EDIL3: variants seen among roughly 807,000 people sequenced by gnomAD.
EDIL3 encodes EGF like and discoidin domains 3.
Under a neutral mutation model 67.4 loss-of-function variants are expected in EDIL3, and 37 were observed. The observed-to-expected ratio is 0.55, with a 90% CI of 0.42 to 0.72. The LOEUF (loss-of-function observed/expected upper bound fraction) is 0.72, where lower values mean the gene tolerates loss of function less well. Ranked by LOEUF, EDIL3 falls within the 30% of genes least tolerant of loss-of-function variation. EDIL3 has a pLI of 0.00. For missense variants in EDIL3, 527 were observed against 586.3 expected, an observed-to-expected ratio of 0.90 and a Z score of 1.04; for synonymous variants, 195 against 196.3, an observed-to-expected ratio of 0.99 and a Z score of 0.05.
At chr5:83,987,483 T>C (rs1745074908) in intron 9 of EDIL3, among the ~76,000 whole-genome samples, 1 of 152,178 alleles carries the variant, frequency 6.6e-6, no homozygotes. Context: ...TTACTATTTG[T>C]CAAAATATGT....
intron 5 of EDIL3, among the ~76,000 whole-genome samples, chr5:84,132,374 TA>T (rs1255016457): frequency 4.5e-4 from 21 of 46,430 alleles, no homozygotes; most frequent in African/African-American, 1.6e-3. Flanking sequence ...TTATATATAT[TA>T]TATATAATAT....
chr5:84,285,175 A>T (rs1284669829), intron 1 of EDIL3, among the ~76,000 whole-genome samples: 2 of 152,208 alleles, frequency 1.3e-5, no homozygotes, highest in African/African-American at 2.4e-5. Context: ...AAAAATCATG[A>T]ACACTTACAT....
At chr5:84,159,079 A>G (rs143020546) in intron 4 of EDIL3, among the ~76,000 whole-genome samples, 38 of 152,236 alleles carry the variant, frequency 2.5e-4, no homozygotes, top group African/African-American at 9.1e-4. Flanking sequence ...CCCCATTGCC[A>G]GTACATACAC....
Position 84,058,747 on chromosome 5 carries a change from A to T in EDIL3, c.1137+1553T>A, listed in dbSNP as rs532468007. Among the ~76,000 whole-genome samples the T allele has an allele frequency of 2.6e-5, 4 of 152,290 alleles. No individual in the cohort carries two copies. In the South Asian group the frequency reaches 8.3e-4, roughly 32 times the overall value. On this transcript the variant is annotated intron_variant, in intron 9 of 10. Coordinates refer to ENST00000296591, the MANE Select transcript of EDIL3 (RefSeq NM_005711.5). Reference sequence around the variant, plus strand: ...ACAGGAATATTTTAAGCAAGGGGTAATATCTTAATGTCTTAAGCAACAGTG... The same window carrying T: ...ACAGGAATATTTTAAGCAAGGGGTATTATCTTAATGTCTTAAGCAACAGTG...
chr5:84,376,067 A>G (rs1319745066), intron 1 of EDIL3, among the ~76,000 whole-genome samples: 1 of 152,224 alleles, frequency 6.6e-6, no homozygotes, highest in Non-Finnish European at 1.5e-5. Context: ...ATCGCCTAAT[A>G]GTTAAGAGGA....
At chr5:84,029,622 GT>G (rs2112200916) in intron 9 of EDIL3, among the ~76,000 whole-genome samples, 1 of 152,248 alleles carries the variant, frequency 6.6e-6, no homozygotes, top group African/African-American at 2.4e-5. Context: ...ATAAGGCTAA[GT>G]TATACGTTCA....
intron 1 of EDIL3, among the ~76,000 whole-genome samples, chr5:84,311,318 T>C (rs1027621744): frequency 6.8e-6 from 1 of 147,086 alleles, no homozygotes; most frequent in Non-Finnish European, 1.5e-5. Flanking sequence ...TTTTCTTTTT[T>C]TTTTTCTTTT....
At chr5:84,160,744 T>TTTC (rs140316379) in intron 4 of EDIL3, among the ~76,000 whole-genome samples, 21 of 100,086 alleles carry the variant, frequency 2.1e-4, no homozygotes, top group African/African-American at 8.1e-4. Flanking sequence ...TCTTTTCTTT[T>TTTC]CTTTCCTTTC....
At chr5:84,293,543 C>T (rs1745970843) in intron 1 of EDIL3, among the ~76,000 whole-genome samples, 1 of 151,296 alleles carries the variant, frequency 6.6e-6, no homozygotes, top group Non-Finnish European at 1.5e-5. Context: ...AAAAATGAAT[C>T]GTGTCAAGTT....
chr5:84,171,054 CA>C (rs1418461309), intron 4 of EDIL3, among the ~76,000 whole-genome samples: 1 of 152,074 alleles, frequency 6.6e-6, no homozygotes, highest in Non-Finnish European at 1.5e-5. Context: ...CTCAGCCTCC[CA>C]AAGTGCTGGG....
intron 1 of EDIL3, among the ~76,000 whole-genome samples, chr5:84,369,232 A>G (rs1340609220): frequency 5.1e-5 from 6 of 117,162 alleles, no homozygotes; most frequent in Non-Finnish European, 3.9e-5. Context: ...ATATATATAA[A>G]CATACACACA....
chr5:84,076,970 A>G (rs1051514673), intron 6 of EDIL3, among the ~76,000 whole-genome samples: 1 of 152,214 alleles, frequency 6.6e-6, no homozygotes, highest in Non-Finnish European at 1.5e-5. Context: ...TTTATGCATA[A>G]ACCCCTTTTC....
Position 84,205,831 on chromosome 5 carries a change from C to T in EDIL3, c.226+24024G>A, listed in dbSNP as rs1743965597. On this transcript the variant is annotated intron_variant, in intron 3 of 10. Coordinates refer to ENST00000296591, the MANE Select transcript of EDIL3 (RefSeq NM_005711.5). ...TTTCTTTATTAGTCTTGCTAGCGGTCTATCAATTTTGTTGATCCTTTCAAA... is the reference window on the plus strand; with the variant it reads ...TTTCTTTATTAGTCTTGCTAGCGGTTTATCAATTTTGTTGATCCTTTCAAA... 3.3e-5 allele frequency among the ~76,000 whole-genome samples: 5 copies of T among 151,660 alleles called. 1 individual carries two copies. In the South Asian group the frequency reaches 1.0e-3, roughly 32 times the overall value.
chr5:84,114,152 T>TG (rs201836579), intron 5 of EDIL3, among the ~76,000 whole-genome samples: 16 of 149,212 alleles, frequency 1.1e-4, no homozygotes, highest in South Asian at 4.3e-4. Flanking sequence ...CCTAAAGTTT[T>TG]TTTTTTTTTT....
At chr5:83,947,413 G>A (rs1262251074) in intron 10 of EDIL3, among the ~76,000 whole-genome samples, 1 of 150,214 alleles carries the variant, frequency 6.7e-6, no homozygotes, top group Non-Finnish European at 1.5e-5. Context: ...GTGCAGAGGT[G>A]CTGGGCTGAA....
At chr5:84,332,509 C>T (rs1746894223) in intron 1 of EDIL3, among the ~76,000 whole-genome samples, 1 of 152,156 alleles carries the variant, frequency 6.6e-6, no homozygotes, top group Admixed American at 6.5e-5. Context: ...ATTTCATGAA[C>T]TCAAGTAACT....
In EDIL3 at chr5:83,993,559, C is replaced by T. The variant is rs189767292; in HGVS notation, c.1138-30199G>A. Among the ~76,000 whole-genome samples the T allele has an allele frequency of 1.3e-3, 193 of 152,252 alleles. 6 individuals are homozygous for T. The highest frequency in any genetic ancestry group is 9.7e-3 in the Admixed American group (149 of 15,284). Reference sequence around the variant, plus strand: ...ACCATATTCCCTATCTGCATCCTTACCTTTGCTCTATAAATGACAGCCTTT... The same window carrying T: ...ACCATATTCCCTATCTGCATCCTTATCTTTGCTCTATAAATGACAGCCTTT... On this transcript the variant is annotated intron_variant, in intron 9 of 10. Coordinates refer to ENST00000296591, the MANE Select transcript of EDIL3 (RefSeq NM_005711.5).
rs111777628 is a variant in EDIL3, at chr5:84,237,809, G to A, written c.197-7925C>T. On this transcript the variant is annotated intron_variant, in intron 2 of 10. Transcript: ENST00000296591. ...ACTATGCTTCTTAAATATATTGGATGATATTATATTTCTGCCATTTTCCTG... is the reference window on the plus strand; with the variant it reads ...ACTATGCTTCTTAAATATATTGGATAATATTATATTTCTGCCATTTTCCTG... Among the ~76,000 whole-genome samples, 154 of 152,184 alleles carry A rather than the reference G, an allele frequency of 1.0e-3. 3 individuals carry two copies. The highest frequency in any genetic ancestry group is 3.6e-3 in the African/African-American group (151 of 41,512).
At chr5:84,151,616 A>G (rs1561446635) in intron 4 of EDIL3, among the ~76,000 whole-genome samples, 2 of 152,210 alleles carry the variant, frequency 1.3e-5, no homozygotes, top group African/African-American at 4.8e-5. Flanking sequence ...AAATTAATGT[A>G]ACTGGAAAAA....
Sources: gnomAD v4.1 joint callset for allele counts (sites outside exome capture counted in the v4.1 genomes callset) on GRCh38, gnomAD v4.1.1 for gene constraint, MANE v1.5 for transcripts, NCBI Gene and HGNC (gene_info 2026-07-23, HGNC 2026-07-21) for gene names.